Variants in PTK2 observed in about 807,000 individuals in gnomAD.
The protein encoded by PTK2 is focal adhesion kinase 1.
A neutral mutation model predicts 150.1 loss-of-function variants in PTK2; 45 were observed. The ratio of observed to expected loss-of-function variants is 0.30; its 90% confidence interval spans 0.24 to 0.38. The LOEUF is 0.38. PTK2 is among the 10% of genes least tolerant of loss of function. The pLI, the probability that PTK2 is intolerant of heterozygous loss-of-function variation, is 1.00. For synonymous variants in PTK2, 432 were observed against 449.2 expected (o/e 0.96, Z 0.48); for missense variants, 919 against 1,307.3 (o/e 0.70, Z 4.58).
rs562834167 is a variant in PTK2, at chr8:140,754,202, G to C, written c.1333-1886C>G. On this transcript the variant is annotated intron_variant, in intron 16 of 31. Coordinates refer to ENST00000522684, the Ensembl canonical transcript of PTK2. ...CCAGATGCCTCAAGGAAGGGGTTCA[G>C]GTGGTAATGGTGACGTGGTCCTTGG... Among the ~76,000 whole-genome samples, 31 of 152,360 alleles carry C rather than the reference G, an allele frequency of 2.0e-4. 1 individual carries two copies. Among genetic ancestry groups the C allele is most frequent in the Admixed American group, 1.6e-3 (25 of 15,310 alleles).
chr8:140,761,356 T>C, intron 15 of PTK2, 94 bp from the exon 19 acceptor site: 1 of 1,001,288 alleles, frequency 1.0e-6, no homozygotes, highest in Non-Finnish European at 1.6e-6. Context: ...ATAAGTAAAA[T>C]TTCATCTGTG....
At chr8:140,906,825 A>G (rs1378901986) in intron 2 of PTK2, among the ~76,000 whole-genome samples, 3 of 152,222 alleles carry the variant, frequency 2.0e-5, no homozygotes, top group Non-Finnish European at 4.4e-5. Context: ...AAAGGAAAGA[A>G]AAGTGTTGGA....
intron 8 of PTK2, among the ~76,000 whole-genome samples, chr8:140,829,671 A>AGC (rs1190706447): frequency 2.0e-5 from 3 of 152,128 alleles, no homozygotes; most frequent in Non-Finnish European, 4.4e-5. Context: ...ATAAAAAGTA[A>AGC]GAGCAGTAAC....
At chr8:140,697,856 T>TTTTTTTTG (rs2100027752) in intron 26 of PTK2, among the ~76,000 whole-genome samples, 1 of 81,898 alleles carries the variant, frequency 1.2e-5, no homozygotes, top group African/African-American at 5.3e-5. Flanking sequence ...TTTACTGTTT[T>TTTTTTTTG]TTTTTTTTTT....
chr8:140,780,799 G>A (rs2100081230), intron 14 of PTK2, among the ~76,000 whole-genome samples: 1 of 152,164 alleles, frequency 6.6e-6, no homozygotes, highest in East Asian at 1.9e-4. Context: ...CCTTCGATTT[G>A]CTTTAGAATA....
At chr8:140,963,071 GC>G (rs1414290351) in intron 1 of PTK2, among the ~76,000 whole-genome samples, 1 of 152,012 alleles carries the variant, frequency 6.6e-6, no homozygotes, top group African/African-American at 2.4e-5. Flanking sequence ...AGTTTCCTCA[GC>G]CCTGTAACAG....
At chr8:140,950,626 G>C (rs570578143) in intron 1 of PTK2, among the ~76,000 whole-genome samples, 2 of 152,370 alleles carry the variant, frequency 1.3e-5, no homozygotes, top group East Asian at 3.9e-4. Flanking sequence ...AACAAGCCCA[G>C]TGGGCATGGG....
At chr8:140,789,666 A>G (rs2100087296) in intron 13 of PTK2, 140 bp from the exon 14 acceptor site, 1 of 706,450 alleles carries the variant, frequency 1.4e-6, no homozygotes, top group Non-Finnish European at 2.4e-6. Context: ...GGATTCTACT[A>G]TTAAAATAGC....
chr8:140,814,076 C>T (rs148385124), intron 10 of PTK2, among the ~76,000 whole-genome samples: 1 of 152,218 alleles, frequency 6.6e-6, no homozygotes, highest in East Asian at 1.9e-4. Flanking sequence ...AATTCCTGGG[C>T]ATATAAACCC....
intron 26 of PTK2, among the ~76,000 whole-genome samples, chr8:140,697,413 G>C (rs1353485708): frequency 7.8e-6 from 1 of 128,372 alleles, no homozygotes; most frequent in Non-Finnish European, 1.6e-5. Flanking sequence ...CTTAGAATAC[G>C]GTTTGTGTGT....
At chr8:140,936,196 T>G (rs774464364) in intron 1 of PTK2, among the ~76,000 whole-genome samples, 1 of 152,124 alleles carries the variant, frequency 6.6e-6, no homozygotes, top group Non-Finnish European at 1.5e-5. Context: ...AACCTTCTAG[T>G]TTTGTGAATT....
intron 23 of PTK2, among the ~76,000 whole-genome samples, chr8:140,711,987 T>G (rs1308633996): frequency 6.6e-6 from 1 of 152,202 alleles, no homozygotes; most frequent in Non-Finnish European, 1.5e-5. Flanking sequence ...CGTGCTGGGT[T>G]TGATTAGGGT....
chr8:140,977,618 C>CA (rs34732857), intron 1 of PTK2, among the ~76,000 whole-genome samples: 62,403 of 136,988 alleles, frequency 0.46, 14,288 homozygotes, highest in Non-Finnish European at 0.55. Flanking sequence ...CAAGACTGTC[C>CA]AAAAAAAAAA....
Position 140,711,386 on chromosome 8 carries a change from C to T in PTK2, c.2143-5181G>A, listed in dbSNP as rs547733373. ...CTGCCCAAAGTGCTGGGGTTACAGG[C>T]GTGAGCCACCATGCCCGGCCCCCGC... On this transcript the variant is annotated intron_variant, in intron 23 of 31. Transcript: ENST00000522684. Among the ~76,000 whole-genome samples, 70 of 152,286 alleles carry T rather than the reference C, an allele frequency of 4.6e-4. No homozygotes were observed. The South Asian group carries it at 0.01, about 23-fold the overall frequency.
chr8:140,977,707 T>C (rs2100189803), intron 1 of PTK2, among the ~76,000 whole-genome samples: 1 of 151,426 alleles, frequency 6.6e-6, no homozygotes, highest in South Asian at 2.1e-4. Context: ...AAAATAATAA[T>C]AATAAATGCT....
At chr8:140,729,584 T>C (rs1239535199) in intron 22 of PTK2, among the ~76,000 whole-genome samples, 1 of 152,268 alleles carries the variant, frequency 6.6e-6, no homozygotes, top group Non-Finnish European at 1.5e-5. Context: ...CTAGTGATGC[T>C]GCCATTCCTT....
At chr8:140,927,172 A>G (rs919509244) in intron 1 of PTK2, among the ~76,000 whole-genome samples, 1 of 152,224 alleles carries the variant, frequency 6.6e-6, no homozygotes, top group South Asian at 2.1e-4. Flanking sequence ...TATACTGACC[A>G]TAATAATGCA....
chr8:140,900,415 A>T (rs1451060880), intron 2 of PTK2, among the ~76,000 whole-genome samples: 1 of 152,156 alleles, frequency 6.6e-6, no homozygotes, highest in Non-Finnish European at 1.5e-5. Context: ...AAACTATAAA[A>T]CATTGGTGAA....
chr8:140,756,930 A>G (rs905664510), intron 16 of PTK2, among the ~76,000 whole-genome samples: 3 of 151,734 alleles, frequency 2.0e-5, no homozygotes, highest in Non-Finnish European at 4.4e-5. Context: ...CGGAGCTTGC[A>G]GTGAGCTGAC....
Sources: gnomAD v4.1 joint callset for allele counts (sites outside exome capture counted in the v4.1 genomes callset) on GRCh38, gnomAD v4.1.1 for gene constraint, MANE v1.5 for transcripts, NCBI Gene and HGNC (gene_info 2026-07-23, HGNC 2026-07-21) for gene names.